The following SCAPER variants were observed in gnomAD, a reference collection of about 807,000 sequenced individuals.
SCAPER encodes the protein S phase cyclin A-associated protein in the endoplasmic reticulum.
A neutral mutation model predicts 182.2 loss-of-function variants in SCAPER; 98 were observed. The observed-to-expected ratio is 0.54, with a 90% CI of 0.46 to 0.64. The LOEUF (loss-of-function observed/expected upper bound fraction) is 0.64, where lower values mean the gene tolerates loss of function less well. SCAPER is among the 30% of genes least tolerant of loss of function. The pLI is 0.00. For missense variants in SCAPER, 1,432 were observed against 1,690.0 expected, an observed-to-expected ratio of 0.85 and a Z score of 2.68; for synonymous variants, 605 against 564.6, an observed-to-expected ratio of 1.07 and a Z score of -1.01.
intron 4 of SCAPER, among the ~76,000 whole-genome samples, chr15:76,853,634 T>G (rs2071017690): frequency 1.3e-5 from 2 of 151,326 alleles, no homozygotes; most frequent in South Asian, 4.1e-4. Flanking sequence ...CGTTAAAAAC[T>G]CTCAATAAAT....
At chr15:76,787,587 T>C (rs867954849) in intron 8 of SCAPER, among the ~76,000 whole-genome samples, 5 of 152,046 alleles carry the variant, frequency 3.3e-5, no homozygotes, top group Admixed American at 2.6e-4. Flanking sequence ...TGGCCTCCCA[T>C]AGTGCTGGGA....
At chr15:76,651,279 T>A (rs1432453434) in intron 21 of SCAPER, among the ~76,000 whole-genome samples, 1 of 151,998 alleles carries the variant, frequency 6.6e-6, no homozygotes, top group South Asian at 2.1e-4. Context: ...AAAAGACAAA[T>A]TAAAATTTTC....
intron 23 of SCAPER, among the ~76,000 whole-genome samples, chr15:76,534,847 T>C (rs1473720548): frequency 6.6e-6 from 1 of 152,194 alleles, no homozygotes; most frequent in African/African-American, 2.4e-5. Context: ...GTTATAATAT[T>C]GCTGATTTTT....
At chr15:76,588,611 T>C (rs1037321142) in intron 22 of SCAPER, among the ~76,000 whole-genome samples, 3 of 152,222 alleles carry the variant, frequency 2.0e-5, no homozygotes, top group Admixed American at 1.3e-4. Context: ...AGTATTGAGA[T>C]GTGAGGTACT....
intron 23 of SCAPER, among the ~76,000 whole-genome samples, chr15:76,562,564 T>C (rs918346095): frequency 6.6e-6 from 1 of 152,182 alleles, no homozygotes; most frequent in African/African-American, 2.4e-5. Context: ...ATTAAAATCT[T>C]GGCAAGATAG....
chr15:76,383,018 C>T (rs1292746644), intron 27 of SCAPER, among the ~76,000 whole-genome samples: 1 of 151,892 alleles, frequency 6.6e-6, no homozygotes, highest in Non-Finnish European at 1.5e-5. Context: ...TCTGTCATGG[C>T]ATAATACCTT....
chr15:76,479,222 A>C (rs553531594), intron 24 of SCAPER, among the ~76,000 whole-genome samples: 1 of 152,334 alleles, frequency 6.6e-6, no homozygotes, highest in South Asian at 2.1e-4. Context: ...TTGTCCTTTC[A>C]GTAAAACTTG....
chr15:76,790,892 A>G (rs2064962609), intron 8 of SCAPER, among the ~76,000 whole-genome samples: 1 of 152,336 alleles, frequency 6.6e-6, no homozygotes, highest in Admixed American at 6.5e-5. Context: ...ATGAACAAAG[A>G]GTGAATTTTA....
intron 5 of SCAPER, among the ~76,000 whole-genome samples, chr15:76,826,376 C>A (rs2068020718): frequency 1.6e-5 from 2 of 128,996 alleles, no homozygotes; most frequent in Admixed American, 2.0e-4. Context: ...AACACATGGA[C>A]ACAGGAAGGG....
At chr15:76,403,307 C>T (rs1451326786) in intron 27 of SCAPER, among the ~76,000 whole-genome samples, 1 of 152,212 alleles carries the variant, frequency 6.6e-6, no homozygotes, top group Non-Finnish European at 1.5e-5. Context: ...CAAAAAGTCA[C>T]TTCCTGAGCT....
At chr15:76,425,272 T>A (rs1210378625) in intron 26 of SCAPER, among the ~76,000 whole-genome samples, 1 of 152,222 alleles carries the variant, frequency 6.6e-6, no homozygotes, top group East Asian at 1.9e-4. Context: ...GCAGATTTGG[T>A]CTTTTCACAT....
Position 76,598,030 on chromosome 15 carries a change from G to C in SCAPER, c.2711+23734C>G, listed in dbSNP as rs559845047. On this transcript the variant is annotated intron_variant, in intron 22 of 31. Coordinates refer to ENST00000563290, the MANE Select transcript of SCAPER (RefSeq NM_020843.4). ...TGAACAGGGAACCTACAGAATGGGA[G>C]AAAATTTTTGCAATCTATCCATCTG... Among the ~76,000 whole-genome samples the C allele has an allele frequency of 5.1e-5, 6 of 118,506 alleles. 2 individuals carry two copies. In the South Asian group the frequency reaches 1.6e-3, roughly 32 times the overall value. 77.7% of individuals were successfully genotyped at this position (118,506 alleles called of 152,430 possible).
intron 26 of SCAPER, among the ~76,000 whole-genome samples, chr15:76,423,699 T>G (rs1414055576): frequency 6.6e-6 from 1 of 152,234 alleles, no homozygotes; most frequent in Non-Finnish European, 1.5e-5. Flanking sequence ...CTAGTTCTTT[T>G]AATTGTGATG....
intron 14 of SCAPER, among the ~76,000 whole-genome samples, chr15:76,763,060 C>T (rs1413422030): frequency 1.3e-5 from 2 of 152,138 alleles, no homozygotes; most frequent in African/African-American, 4.8e-5. Flanking sequence ...GCTTTACATA[C>T]TTTCCTTCAT....
chr15:76,430,855 G>C (rs766646777), intron 26 of SCAPER, among the ~76,000 whole-genome samples: 1 of 152,152 alleles, frequency 6.6e-6, no homozygotes, highest in Non-Finnish European at 1.5e-5. Context: ...GGCTGGGGTG[G>C]AATAATGTGG....
intron 24 of SCAPER, among the ~76,000 whole-genome samples, chr15:76,484,181 C>T (rs2051394067): frequency 6.6e-6 from 1 of 151,986 alleles, no homozygotes; most frequent in African/African-American, 2.4e-5. Flanking sequence ...GCTATCAAGA[C>T]ACAGAGAGAC....
At chr15:76,713,066 G>T (rs548327482) in intron 17 of SCAPER, among the ~76,000 whole-genome samples, 1 of 152,074 alleles carries the variant, frequency 6.6e-6, no homozygotes, top group African/African-American at 2.4e-5. Flanking sequence ...TATGATATTG[G>T]CTGTGGGTTT....
intron 21 of SCAPER, among the ~76,000 whole-genome samples, chr15:76,635,600 C>T (rs1331928473): frequency 1.3e-5 from 2 of 152,180 alleles, no homozygotes; most frequent in East Asian, 1.9e-4. Context: ...TACAACAAGG[C>T]GAGAAGTGGC....
rs1193265010 is a variant in SCAPER, at chr15:76,903,745, G to A, written c.-60+1554C>T. On this transcript the variant is annotated intron_variant, in intron 1 of 31. Transcript: ENST00000563290. ...TATTTTTAATGCAGCTCAAGGGAGT[G>A]TGGAGAAAGAAGGAAAAGAGCATTT... 3.5e-4 allele frequency among the ~76,000 whole-genome samples: 54 copies of A among 152,212 alleles called. 1 individual carries two copies. Among genetic ancestry groups the A allele is most frequent in the Non-Finnish European group, 1.5e-5 (1 of 68,030 alleles).
Sources: gnomAD v4.1 joint callset for allele counts (sites outside exome capture counted in the v4.1 genomes callset) on GRCh38, gnomAD v4.1.1 for gene constraint, MANE v1.5 for transcripts, NCBI Gene and HGNC (gene_info 2026-07-23, HGNC 2026-07-21) for gene names.